The following AGBL1 variants were observed in gnomAD, a reference collection of about 807,000 sequenced individuals.
The protein encoded by AGBL1 is AGBL carboxypeptidase 1.
AGBL1 carries 130 observed loss-of-function variants against 118.9 expected under a neutral mutation model. That is an observed-to-expected ratio of 1.09 (90% CI 0.95 to 1.26). The LOEUF is 1.26. AGBL1 is among the 50% of genes most tolerant of loss of function. The pLI is 0.00. For synonymous variants in AGBL1, 555 were observed against 478.9 expected (o/e 1.16, Z -2.08); for missense variants, 1,584 against 1,298.1 (o/e 1.22, Z -3.38).
At chr15:86,712,783 G>C (rs1567135516) in intron 22 of AGBL1, among the ~76,000 whole-genome samples, 2 of 152,150 alleles carry the variant, frequency 1.3e-5, no homozygotes, top group African/African-American at 2.4e-5. Context: ...AAGATGAGGA[G>C]TCTGTTTCCA....
intron 17 of AGBL1, among the ~76,000 whole-genome samples, chr15:86,384,093 T>C (rs1484014100): frequency 6.6e-6 from 1 of 152,292 alleles, no homozygotes; most frequent in South Asian, 2.1e-4. Flanking sequence ...TGTGTCTAGA[T>C]TGCTGTACCG....
intron 16 of AGBL1, among the ~76,000 whole-genome samples, chr15:86,289,611 A>G (rs891537402): frequency 2.0e-5 from 3 of 152,114 alleles, no homozygotes; most frequent in African/African-American, 7.2e-5. Flanking sequence ...CGCAACCAGA[A>G]TGTAAACCCA....
chr15:86,779,592 T>C (rs2078303407), intron 22 of AGBL1, among the ~76,000 whole-genome samples: 1 of 152,174 alleles, frequency 6.6e-6, no homozygotes. Flanking sequence ...TAATGAGTCA[T>C]ATGGTATATA....
chr15:86,468,209 G>GA (rs1269954214), intron 18 of AGBL1, among the ~76,000 whole-genome samples: 1 of 152,152 alleles, frequency 6.6e-6, no homozygotes, highest in African/African-American at 2.4e-5. Context: ...TCCGCAAGAA[G>GA]AAAGCATTAG....
intron 23 of AGBL1, chr15:86,939,095 G>A (rs945490868): frequency 6.6e-6 from 1 of 152,300 alleles, no homozygotes; most frequent in Non-Finnish European, 1.5e-5. Flanking sequence ...CATAGCCTGT[G>A]TGATGGTTAA....
chr15:86,601,831 C>T (rs2084498766), intron 21 of AGBL1, among the ~76,000 whole-genome samples: 1 of 152,072 alleles, frequency 6.6e-6, no homozygotes, highest in African/African-American at 2.4e-5. Flanking sequence ...TTACTCCATC[C>T]AATAGATAAA....
chr15:86,987,579 G>C (rs549916013), intron 23 of AGBL1, among the ~76,000 whole-genome samples: 1 of 152,052 alleles, frequency 6.6e-6, no homozygotes, highest in African/African-American at 2.4e-5. Context: ...ATCAGGTTGA[G>C]AAATTTTCCC....
intron 5 of AGBL1, among the ~76,000 whole-genome samples, chr15:86,212,334 G>T (rs1430590700): frequency 6.6e-6 from 1 of 152,196 alleles, no homozygotes; most frequent in Non-Finnish European, 1.5e-5. Context: ...TAGAAAGTGT[G>T]ATGAGAACTC....
intron 17 of AGBL1, among the ~76,000 whole-genome samples, chr15:86,392,996 T>C (rs1184656549): frequency 6.6e-6 from 1 of 152,164 alleles, no homozygotes. Context: ...GGAGTACCAT[T>C]TGCTGCTACA....
intron 23 of AGBL1, among the ~76,000 whole-genome samples, chr15:86,925,191 A>G (rs1203581603): frequency 5.6e-4 from 58 of 104,002 alleles, no homozygotes; most frequent in African/African-American, 2.1e-3. Context: ...AAGAGGAAGA[A>G]AAGAAGAAAA....
chr15:86,898,364 CTTGAG>C (rs1355406186), intron 22 of AGBL1, among the ~76,000 whole-genome samples: 1 of 152,074 alleles, frequency 6.6e-6, no homozygotes, highest in Non-Finnish European at 1.5e-5. Flanking sequence ...TTTAATCTAT[CTTGAG>C]TTAATTTTTG....
At chr15:86,944,183 C>A (rs962002122) in intron 23 of AGBL1, among the ~76,000 whole-genome samples, 2 of 151,932 alleles carry the variant, frequency 1.3e-5, no homozygotes, top group African/African-American at 4.8e-5. Context: ...CCAGCCTGAC[C>A]AACATGGAGA....
At chr15:86,384,343 T>G (rs552401497) in intron 17 of AGBL1, among the ~76,000 whole-genome samples, 1 of 152,302 alleles carries the variant, frequency 6.6e-6, no homozygotes, top group Admixed American at 6.5e-5. Context: ...CCGGCAGGTC[T>G]GCACCACAGT....
At chr15:86,728,042 C>T in intron 22 of AGBL1, among the ~76,000 whole-genome samples, 1 of 152,232 alleles carries the variant, frequency 6.6e-6, no homozygotes, top group East Asian at 1.9e-4. Flanking sequence ...TTAGACCTTA[C>T]TTCTAGCATG....
intron 18 of AGBL1, among the ~76,000 whole-genome samples, chr15:86,400,926 T>G (rs538543748): frequency 6.6e-6 from 1 of 152,306 alleles, no homozygotes; most frequent in South Asian, 2.1e-4. Context: ...GCTGTAAACA[T>G]GTGTGTTCAA....
intron 22 of AGBL1, among the ~76,000 whole-genome samples, chr15:86,743,267 A>T (rs746613579): frequency 6.6e-6 from 1 of 152,094 alleles, no homozygotes; most frequent in Non-Finnish European, 1.5e-5. Flanking sequence ...TTTTGACCCA[A>T]CATTTGTTAT....
chr15:86,540,060 A>T (rs894244367), intron 19 of AGBL1, among the ~76,000 whole-genome samples: 1 of 152,192 alleles, frequency 6.6e-6, no homozygotes, highest in African/African-American at 2.4e-5. Context: ...CAAGTTACTT[A>T]TTTTATCTGG....
Position 86,945,497 on chromosome 15 carries a change from C to T in AGBL1, c.3222-42490C>T, listed in dbSNP as rs573407152. Among the ~76,000 whole-genome samples the T allele has an allele frequency of 1.9e-4, 29 of 151,720 alleles. No individual in the cohort carries two copies. In the East Asian group the frequency reaches 2.5e-3, roughly 13 times the overall value. On this transcript the variant is annotated intron_variant, in intron 23 of 24. Coordinates refer to the AGBL1 transcript ENST00000441037. ...CAGCCTGGGCAACCTGGTGAAACCCCGTCTCTACAAAAAATACAAAAAAAA... is the reference window on the plus strand; with the variant it reads ...CAGCCTGGGCAACCTGGTGAAACCCTGTCTCTACAAAAAATACAAAAAAAA...
At chr15:86,189,614 C>T (rs2077686190) in intron 5 of AGBL1, among the ~76,000 whole-genome samples, 1 of 151,964 alleles carries the variant, frequency 6.6e-6, no homozygotes, top group African/African-American at 2.4e-5. Flanking sequence ...CACTTCCCTC[C>T]TCTCTCTCTC....
Sources: gnomAD v4.1 joint callset for allele counts (sites outside exome capture counted in the v4.1 genomes callset) on GRCh38, gnomAD v4.1.1 for gene constraint, MANE v1.5 for transcripts, NCBI Gene and HGNC (gene_info 2026-07-23, HGNC 2026-07-21) for gene names.